RNGTT: variants seen among roughly 807,000 people sequenced by gnomAD.
RNGTT encodes mRNA-capping enzyme.
Under a neutral mutation model 79.3 loss-of-function variants are expected in RNGTT, and 33 were observed. That is an observed-to-expected ratio of 0.42 (90% CI 0.32 to 0.56). RNGTT has a LOEUF of 0.56. Among genes scored for constraint, RNGTT ranks in the 20% least tolerant of loss-of-function variants. The pLI is 0.17. For missense variants in RNGTT, 497 were observed against 739.1 expected (o/e 0.67, Z 3.80); for synonymous variants, 222 against 235.9 (o/e 0.94, Z 0.54).
chr6:88,957,452 T>C (rs959285749), intron 1 of RNGTT, among the ~76,000 whole-genome samples: 1 of 152,194 alleles, frequency 6.6e-6, no homozygotes, highest in Admixed American at 6.5e-5. Flanking sequence ...GATGATATGA[T>C]TGTATACATA....
chr6:88,685,754 AG>A (rs1240261957), intron 13 of RNGTT, among the ~76,000 whole-genome samples: 1 of 152,084 alleles, frequency 6.6e-6, no homozygotes, highest in Non-Finnish European at 1.5e-5. Context: ...CCCTTGTATA[AG>A]TACTCTCAGC....
intron 11 of RNGTT, among the ~76,000 whole-genome samples, chr6:88,822,217 TAG>T (rs1780517880): frequency 6.6e-6 from 1 of 152,156 alleles, no homozygotes; most frequent in African/African-American, 2.4e-5. Context: ...CTCAGGGAAT[TAG>T]AGAGACACAT....
At chr6:88,693,623 C>G (rs767753467) in intron 13 of RNGTT, among the ~76,000 whole-genome samples, 6 of 152,060 alleles carry the variant, frequency 3.9e-5, no homozygotes, top group Non-Finnish European at 7.4e-5. Flanking sequence ...CCAGCATTAC[C>G]CTGATACCAA....
intron 12 of RNGTT, among the ~76,000 whole-genome samples, chr6:88,775,180 ATG>A (rs1778835267): frequency 6.6e-6 from 1 of 152,220 alleles, no homozygotes; most frequent in Non-Finnish European, 1.5e-5. Flanking sequence ...AATGATTACT[ATG>A]GTAAAGCAAA....
intron 12 of RNGTT, among the ~76,000 whole-genome samples, chr6:88,796,314 C>G (rs1280369039): frequency 2.0e-5 from 3 of 152,086 alleles, no homozygotes; most frequent in Non-Finnish European, 2.9e-5. Context: ...CAGTACTGGT[C>G]TCCCCCATAT....
At chr6:88,746,085 T>A (rs538460380) in intron 13 of RNGTT, among the ~76,000 whole-genome samples, 1 of 152,206 alleles carries the variant, frequency 6.6e-6, no homozygotes, top group Non-Finnish European at 1.5e-5. Context: ...AGCTAAATAT[T>A]GTGTGGGAAG....
At position 88,731,943 on chromosome 6, in the gene RNGTT, A is replaced by C. The variant is rs533499838; in HGVS notation, c.1439+37831T>G. Among the ~76,000 whole-genome samples, 10 of 152,336 alleles carry C rather than the reference A, an allele frequency of 6.6e-5. No homozygotes were observed. In the East Asian group the frequency reaches 1.9e-3, roughly 29 times the overall value. ...GGCTAAAGGAAAGAAAATGTTAAAA[A>C]ATCATAAGGAAGAGAACATATATAT... On this transcript the variant is annotated intron_variant, in intron 13 of 15. Transcript: ENST00000369485.
rs548664844 is a variant in RNGTT at position 88,661,380 on chromosome 6, C to T, written c.1506+16973G>A. On this transcript the variant is annotated intron_variant, in intron 14 of 15. Transcript: ENST00000369485. ...TACAAAAGATAAATAAAACGAAATG[C>T]TGGTTCCTTGAAAAGGTTAAAAAAA... Among the ~76,000 whole-genome samples the T allele has an allele frequency of 1.4e-4, 21 of 152,054 alleles. No individual in the cohort carries two copies. The South Asian group carries it at 3.1e-3, about 23-fold the overall frequency.
At position 88,844,541 on chromosome 6, in the gene RNGTT, A is replaced by T; in HGVS notation, c.1105-20T>A. The T allele has an allele frequency of 6.3e-7, 1 of 1,594,016 alleles. No individual in the cohort carries two copies. The highest frequency in any genetic ancestry group is 8.5e-7 in the Non-Finnish European group (1 of 1,171,780). ...CTGTGACTGAATTAAATAAAGAATTAGTTAAATTTCAACACTAACAACTAT... is the reference window on the plus strand; with the variant it reads ...CTGTGACTGAATTAAATAAAGAATTTGTTAAATTTCAACACTAACAACTAT... On this transcript the variant is annotated intron_variant, in intron 10 of 15. Transcript: ENST00000369485.
intron 14 of RNGTT, among the ~76,000 whole-genome samples, chr6:88,655,837 A>G (rs1773956449): frequency 6.6e-6 from 1 of 151,912 alleles, no homozygotes; most frequent in Non-Finnish European, 1.5e-5. Flanking sequence ...TCCATTAACA[A>G]CCCTTTGGCT....
chr6:88,641,008 G>A (rs1773293454), intron 14 of RNGTT, among the ~76,000 whole-genome samples: 1 of 152,094 alleles, frequency 6.6e-6, no homozygotes, highest in South Asian at 2.1e-4. Flanking sequence ...CATGTTTCCA[G>A]TTGGATAAAA....
At chr6:88,628,551 A>G (rs1397301230) in intron 14 of RNGTT, among the ~76,000 whole-genome samples, 2 of 152,122 alleles carry the variant, frequency 1.3e-5, no homozygotes, top group East Asian at 1.9e-4. Flanking sequence ...TATAGCCAAT[A>G]TATTTATATT....
At chr6:88,795,793 C>G (rs1779583040) in intron 12 of RNGTT, among the ~76,000 whole-genome samples, 1 of 152,056 alleles carries the variant, frequency 6.6e-6, no homozygotes, top group East Asian at 1.9e-4. Context: ...AAAAAGGGAC[C>G]CTCGCAATAC....
At chr6:88,895,940 T>C (rs1385427703) in intron 6 of RNGTT, among the ~76,000 whole-genome samples, 4 of 152,172 alleles carry the variant, frequency 2.6e-5, no homozygotes, top group Non-Finnish European at 5.9e-5. Flanking sequence ...CTGGAATTCC[T>C]TTTTCATAAA....
intron 4 of RNGTT, among the ~76,000 whole-genome samples, chr6:88,913,220 A>C (rs558870954): frequency 6.2e-5 from 9 of 145,546 alleles, no homozygotes; most frequent in Non-Finnish European, 1.2e-4. Context: ...AAAACAAAAA[A>C]AAAAAACAAA....
chr6:88,777,038 A>AGG (rs1778912426), intron 12 of RNGTT, among the ~76,000 whole-genome samples: 1 of 152,196 alleles, frequency 6.6e-6, no homozygotes, highest in Non-Finnish European at 1.5e-5. Flanking sequence ...GTATGGTATA[A>AGG]GGGTCCAATT....
chr6:88,614,007 A>T lies in RNGTT; in HGVS notation c.1630+265T>A, dbSNP rs190615295. Among the ~76,000 whole-genome samples, 227 of 152,326 alleles carry T rather than the reference A, an allele frequency of 1.5e-3. 2 individuals carry two copies. Among genetic ancestry groups the T allele is most frequent in the African/African-American group, 5.3e-3 (219 of 41,566 alleles). ...TTCTGTTGTTGTTGTTGTTCAATAA[A>T]TTCAACTTGTATACAGCCCAGTATC... On this transcript the variant is annotated intron_variant, in intron 15 of 15. Coordinates refer to ENST00000369485, the MANE Select transcript of RNGTT (RefSeq NM_003800.5).
intron 13 of RNGTT, among the ~76,000 whole-genome samples, chr6:88,713,277 G>GAGGAGGCCCTC (rs71554790): frequency 5.3e-5 from 8 of 151,866 alleles, no homozygotes; most frequent in African/African-American, 1.9e-4. Flanking sequence ...TGGAAACCAG[G>GAGGAGGCCCTC]ACCAGAACCT....
intron 8 of RNGTT, among the ~76,000 whole-genome samples, chr6:88,886,216 G>C (rs551491533): frequency 2.4e-3 from 371 of 152,266 alleles, no homozygotes; most frequent in Non-Finnish European, 4.1e-3. Flanking sequence ...TGAGGCAGGA[G>C]AATGGCGTGA....
Sources: allele counts gnomAD v4.1 joint callset (sites outside exome capture counted in the v4.1 genomes callset), GRCh38; gene constraint gnomAD v4.1.1; transcripts MANE v1.5; gene names NCBI Gene and HGNC (gene_info 2026-07-23, HGNC 2026-07-21).